FAM184A: variants seen among roughly 807,000 people sequenced by gnomAD.
The protein encoded by FAM184A is family with sequence similarity 184 member A.
Under a neutral mutation model 143.8 loss-of-function variants are expected in FAM184A, and 99 were observed. The ratio of observed to expected loss-of-function variants is 0.69; its 90% confidence interval spans 0.58 to 0.81. The LOEUF (loss-of-function observed/expected upper bound fraction) is 0.81. Ranked by LOEUF, FAM184A falls within the 40% of genes least tolerant of loss-of-function variation. The pLI is 0.00. For missense variants in FAM184A, 1,217 were observed against 1,310.5 expected (o/e 0.93, Z 1.10); for synonymous variants, 427 against 446.4 (o/e 0.96, Z 0.55).
intron 9 of FAM184A, among the ~76,000 whole-genome samples, chr6:118,989,647 CTT>C (rs1784307112): frequency 7.9e-6 from 1 of 126,576 alleles, no homozygotes; most frequent in South Asian, 2.3e-4. Flanking sequence ...TCAATCTCAA[CTT>C]TCTCATGCTT....
chr6:118,995,002 T>C lies in FAM184A; in HGVS notation c.2088+7897A>G, dbSNP rs114742657. 1.0e-3 allele frequency among the ~76,000 whole-genome samples: 154 copies of C among 152,326 alleles called. 1 individual carries two copies. The highest frequency in any genetic ancestry group is 3.5e-3 in the African/African-American group (145 of 41,576). The stretch of plus-strand genomic sequence containing the variant: ...ACTTTGAATAAGAAATCTGAAGCAA[T>C]AGAAAGGAATTCTCATTACTGACAA... On this transcript the variant is annotated intron_variant, in intron 9 of 17. Transcript: ENST00000338891.
At chr6:118,960,885 G>A in intron 17 of FAM184A, 2 of 1,248,448 alleles carry the variant, frequency 1.6e-6, no homozygotes, top group East Asian at 5.0e-5. Context: ...CATGCACAAG[G>A]GAAAATAAGC....
chr6:118,959,960 G>A lies in FAM184A; in HGVS notation c.*143C>T. 1 of 557,760 alleles carries A rather than the reference G, an allele frequency of 1.8e-6. No individual in the cohort carries two copies. Among genetic ancestry groups the A allele is most frequent in the East Asian group, 2.9e-5 (1 of 34,648 alleles). 34.6% of individuals were successfully genotyped at this position (557,760 alleles called of 1,614,324 possible). On this transcript the variant is annotated 3_prime_UTR_variant, in exon 18 of 18. Transcript: ENST00000338891. ...AGAATGATTCCAATAAATATCACAG[G>A]AAATACAGTGCATTTTCAAGTTGGA...
At chr6:119,146,736 G>A (rs1267651151) in intron 1 of FAM184A, among the ~76,000 whole-genome samples, 1 of 152,030 alleles carries the variant, frequency 6.6e-6, no homozygotes, top group East Asian at 1.9e-4. Context: ...GGGGTTGTTG[G>A]TCGACATGTA....
chr6:118,979,569 G>A, intron 10 of FAM184A, 51 bp from the exon 11 acceptor site: 1 of 1,392,446 alleles, frequency 7.2e-7, no homozygotes, highest in Admixed American at 2.4e-5. Context: ...GAAGGAAAAT[G>A]CAAACAAAAT....
chr6:119,008,291 A>G (rs960189725), intron 6 of FAM184A, among the ~76,000 whole-genome samples: 12 of 152,180 alleles, frequency 7.9e-5, no homozygotes, highest in African/African-American at 2.7e-4. Flanking sequence ...ACGTAAACCA[A>G]TAAGGTCATC....
intron 1 of FAM184A, among the ~76,000 whole-genome samples, chr6:119,056,633 G>A (rs1184647942): frequency 2.6e-5 from 4 of 152,112 alleles, no homozygotes; most frequent in Non-Finnish European, 5.9e-5. Context: ...AACCTACTAG[G>A]AACTTCCTTT....
chr6:119,107,045 C>T (rs951690271), intron 1 of FAM184A, among the ~76,000 whole-genome samples: 17 of 152,254 alleles, frequency 1.1e-4, no homozygotes, highest in Middle Eastern at 6.8e-3. Flanking sequence ...AAGGGAATAT[C>T]AAAATTTGGG....
chr6:119,135,846 GTATTAAAA>G (rs1323069325), intron 1 of FAM184A, among the ~76,000 whole-genome samples: 2 of 151,830 alleles, frequency 1.3e-5, no homozygotes, highest in Non-Finnish European at 2.9e-5. Context: ...TAGCATTTTA[GTATTAAAA>G]TATTAAAATA....
intron 1 of FAM184A, among the ~76,000 whole-genome samples, chr6:119,109,424 A>G (rs1283277497): frequency 6.6e-6 from 1 of 152,136 alleles, no homozygotes; most frequent in Admixed American, 6.6e-5. Context: ...TGATTCTAGA[A>G]TATTTTCTCC....
At chr6:119,122,067 C>T (rs191092348) in intron 1 of FAM184A, among the ~76,000 whole-genome samples, 2 of 152,290 alleles carry the variant, frequency 1.3e-5, no homozygotes, top group Non-Finnish European at 2.9e-5. Context: ...CCATGACCAG[C>T]TTGGAACTTT....
At chr6:119,043,639 G>A (rs1002856124) in intron 1 of FAM184A, among the ~76,000 whole-genome samples, 2 of 152,100 alleles carry the variant, frequency 1.3e-5, no homozygotes, top group Non-Finnish European at 2.9e-5. Context: ...GCCCCACCTC[G>A]GCACCTTTAG....
At chr6:119,004,231 T>G (rs776573469) in intron 7 of FAM184A, among the ~76,000 whole-genome samples, 39 of 152,348 alleles carry the variant, frequency 2.6e-4, no homozygotes, top group South Asian at 2.5e-3. Context: ...TGGACAACAG[T>G]GGCAACCATC....
chr6:118,969,065 C>T (rs888617876), intron 14 of FAM184A, among the ~76,000 whole-genome samples: 1 of 152,182 alleles, frequency 6.6e-6, no homozygotes. Flanking sequence ...ATGCTATTCT[C>T]ATGACAGTAA....
intron 1 of FAM184A, among the ~76,000 whole-genome samples, chr6:119,148,269 G>A (rs1891539): frequency 0.32 from 48,519 of 151,602 alleles, 8,069 homozygotes; most frequent in Admixed American, 0.41. Context: ...GAGGTGCATG[G>A]AATGCCTGTC....
intron 1 of FAM184A, among the ~76,000 whole-genome samples, chr6:119,034,620 T>G (rs2114715157): frequency 6.6e-6 from 1 of 151,862 alleles, no homozygotes; most frequent in Middle Eastern, 3.4e-3. Context: ...TTCATCATAT[T>G]AACATTTTTT....
At chr6:119,100,079 C>A (rs1004860948) in intron 1 of FAM184A, among the ~76,000 whole-genome samples, 2 of 152,134 alleles carry the variant, frequency 1.3e-5, no homozygotes, top group African/African-American at 4.8e-5. Context: ...TTGGAGGACA[C>A]CCAGCTGGTA....
At chr6:119,001,882 T>C (rs1784767788) in intron 9 of FAM184A, among the ~76,000 whole-genome samples, 1 of 152,182 alleles carries the variant, frequency 6.6e-6, no homozygotes. Flanking sequence ...AAAATAAGTC[T>C]ATCATAAGCA....
chr6:118,994,296 TA>T, intron 9 of FAM184A, among the ~76,000 whole-genome samples: 1 of 151,970 alleles, frequency 6.6e-6, no homozygotes, highest in South Asian at 2.1e-4. Flanking sequence ...CATGCAAAAG[TA>T]ATTTCTTACT....
Sources: allele counts gnomAD v4.1 joint callset (sites outside exome capture counted in the v4.1 genomes callset), GRCh38; gene constraint gnomAD v4.1.1; transcripts MANE v1.5; gene names NCBI Gene and HGNC (gene_info 2026-07-23, HGNC 2026-07-21).